The following ALDH1A2 variants were observed in gnomAD, a reference collection of about 807,000 sequenced individuals.
ALDH1A2 encodes the protein aldehyde dehydrogenase 1 family member A2, also known as retinal dehydrogenase 2.
A neutral mutation model predicts 60.3 loss-of-function variants in ALDH1A2; 27 were observed. The ratio of observed to expected loss-of-function variants is 0.45; its 90% CI spans 0.33 to 0.62. The LOEUF (loss-of-function observed/expected upper bound fraction) is 0.62, where lower values mean the gene tolerates loss of function less well. Ranked by LOEUF, ALDH1A2 falls within the 20% of genes least tolerant of loss-of-function variation. The pLI is 0.02. For synonymous variants in ALDH1A2, 289 were observed against 232.4 expected (o/e 1.24, Z -2.21); for missense variants, 581 against 643.8 (o/e 0.90, Z 1.06).
chr15:58,019,808 C>CT (rs1355114708), intron 1 of ALDH1A2, among the ~76,000 whole-genome samples: 1 of 152,096 alleles, frequency 6.6e-6, no homozygotes, highest in South Asian at 2.1e-4. Context: ...GAATCACTTT[C>CT]TTTTTTATTA....
rs1163614322 is a variant in ALDH1A2, at chr15:58,011,619, A to G, written c.364-841T>C. On this transcript the variant is annotated intron_variant, in intron 3 of 12. Coordinates refer to ENST00000249750, the MANE Select transcript of ALDH1A2 (RefSeq NM_003888.4). ...GTATTTTATAAGACATACTGGTGTG[A>G]AAATTATTTGATCTCTGACAAAGCT... Among the ~76,000 whole-genome samples, 3 of 152,314 alleles carry G rather than the reference A, an allele frequency of 2.0e-5. No homozygotes were observed. The East Asian group carries it at 5.8e-4, about 29-fold the overall frequency.
At chr15:58,056,432 G>A (rs887117595) in intron 1 of ALDH1A2, among the ~76,000 whole-genome samples, 2 of 151,986 alleles carry the variant, frequency 1.3e-5, no homozygotes, top group Admixed American at 1.3e-4. Context: ...CATAAGCAAT[G>A]ACCAATTCTA....
intron 7 of ALDH1A2, among the ~76,000 whole-genome samples, chr15:57,986,064 C>G (rs571561019): frequency 6.6e-6 from 1 of 152,120 alleles, no homozygotes; most frequent in Non-Finnish European, 1.5e-5. Flanking sequence ...CAAACAATAT[C>G]AAAATTAATC....
At chr15:58,002,620 A>G (rs1895311918) in intron 4 of ALDH1A2, among the ~76,000 whole-genome samples, 1 of 151,978 alleles carries the variant, frequency 6.6e-6, no homozygotes, top group Non-Finnish European at 1.5e-5. Context: ...TTTGTCAAAT[A>G]TGGAAGTCAA....
At chr15:57,986,062 A>G (rs894295920) in intron 7 of ALDH1A2, among the ~76,000 whole-genome samples, 1 of 152,216 alleles carries the variant, frequency 6.6e-6, no homozygotes, top group East Asian at 1.9e-4. Context: ...ATCAAACAAT[A>G]TCAAAATTAA....
rs116770603 is a variant in ALDH1A2 at position 58,051,774 on chromosome 15, A to G, written c.117+13760T>C. On this transcript the variant is annotated intron_variant, in intron 1 of 12. Coordinates refer to ENST00000249750, the MANE Select transcript of ALDH1A2 (RefSeq NM_003888.4). ...TGATGTGAAGAACTCCAGATCTCTT[A>G]GGTCAGAGACAAATAGCAGTGGCAC... is the stretch of plus-strand genomic sequence containing the variant. Among the ~76,000 whole-genome samples the G allele has an allele frequency of 2.4e-3, 358 of 152,256 alleles. 1 individual carries two copies. The highest frequency in any genetic ancestry group is 8.3e-3 in the African/African-American group (345 of 41,560).
At chr15:58,052,866 A>C (rs1896809748) in intron 1 of ALDH1A2, among the ~76,000 whole-genome samples, 2 of 152,168 alleles carry the variant, frequency 1.3e-5, no homozygotes, top group African/African-American at 2.4e-5. Flanking sequence ...AGAGTTTTCC[A>C]AAGTGGATGT....
chr15:57,976,454 CCCCT>C (rs1343718090), intron 7 of ALDH1A2, among the ~76,000 whole-genome samples: 1 of 152,118 alleles, frequency 6.6e-6, no homozygotes, highest in East Asian at 1.9e-4. Context: ...GTGTGATGTT[CCCCT>C]CCCTGTGTCC....
chr15:58,055,518 C>T (rs1896873563), intron 1 of ALDH1A2, among the ~76,000 whole-genome samples: 6 of 151,856 alleles, frequency 4.0e-5, no homozygotes, highest in Admixed American at 3.9e-4. Flanking sequence ...AATTGTACCA[C>T]TGAGAAGTGC....
chr15:58,003,532 C>T (rs1220809443), intron 4 of ALDH1A2, among the ~76,000 whole-genome samples: 1 of 151,818 alleles, frequency 6.6e-6, no homozygotes, highest in African/African-American at 2.4e-5. Context: ...TATCGTAAGT[C>T]CATTTTAATA....
At chr15:58,051,452 C>G (rs1351077522) in intron 1 of ALDH1A2, among the ~76,000 whole-genome samples, 3 of 152,010 alleles carry the variant, frequency 2.0e-5, no homozygotes, top group African/African-American at 7.2e-5. Flanking sequence ...GTCAAGATCC[C>G]TATTTGCCAT....
intron 7 of ALDH1A2, among the ~76,000 whole-genome samples, chr15:57,981,289 A>AAC (rs775138747): frequency 0.2 from 27,854 of 141,918 alleles, 2,752 homozygotes; most frequent in Non-Finnish European, 0.24. Context: ...TAGAAGAGCA[A>AAC]ACACACACAC....
At chr15:58,020,699 T>C (rs1184153394) in intron 1 of ALDH1A2, among the ~76,000 whole-genome samples, 1 of 152,184 alleles carries the variant, frequency 6.6e-6, no homozygotes, top group Non-Finnish European at 1.5e-5. Context: ...TATTCTTAGA[T>C]ATTTTCTTTC....
intron 12 of ALDH1A2, 145 bp from the exon 13 acceptor site, chr15:57,955,414 A>G: frequency 2.5e-6 from 2 of 788,748 alleles, no homozygotes; most frequent in Non-Finnish European, 4.4e-6. Context: ...ACGTATGCGC[A>G]GCCCAGCCTT....
rs564222236 is a variant in ALDH1A2 at position 58,017,959 on chromosome 15, T to C, written c.118-3678A>G. 2.6e-5 allele frequency among the ~76,000 whole-genome samples: 4 copies of C among 152,310 alleles called. No homozygotes were observed. The South Asian group carries it at 8.3e-4, about 32-fold the overall frequency. ...ATAAAATGACACTTAAAAAATTATATGGACAACTTTGTTGGTACATGGAAT... is the reference window on the plus strand; with the variant it reads ...ATAAAATGACACTTAAAAAATTATACGGACAACTTTGTTGGTACATGGAAT... On this transcript the variant is annotated intron_variant, in intron 1 of 12. Coordinates refer to ENST00000249750, the MANE Select transcript of ALDH1A2 (RefSeq NM_003888.4).
At chr15:58,028,843 G>C (rs565166221) in intron 1 of ALDH1A2, among the ~76,000 whole-genome samples, 2 of 152,150 alleles carry the variant, frequency 1.3e-5, no homozygotes, top group Non-Finnish European at 2.9e-5. Context: ...TCAACAAGAA[G>C]AGCTAACTAT....
At chr15:57,957,510 T>A (rs1164103346) in intron 12 of ALDH1A2, among the ~76,000 whole-genome samples, 1 of 152,214 alleles carries the variant, frequency 6.6e-6, no homozygotes, top group African/African-American at 2.4e-5. Context: ...ATTTATTTAC[T>A]CCAGCTAAAT....
intron 8 of ALDH1A2, 56 bp downstream of exon 8, chr15:57,965,669 A>G (rs1566930502): frequency 2.4e-6 from 3 of 1,272,976 alleles, no homozygotes; most frequent in African/African-American, 2.9e-5. Flanking sequence ...GGAGATATAA[A>G]AGAGAGCACC....
At chr15:58,014,419 C>A (rs755690339) in intron 1 of ALDH1A2, 138 bp from the exon 2 acceptor site, 6 of 772,990 alleles carry the variant, frequency 7.8e-6, no homozygotes, top group South Asian at 5.8e-5. Context: ...TTTAAGAGAC[C>A]CTTCTAGACT....
Sources: gnomAD v4.1 joint callset for allele counts (sites outside exome capture counted in the v4.1 genomes callset) on GRCh38, gnomAD v4.1.1 for gene constraint, MANE v1.5 for transcripts, NCBI Gene and HGNC (gene_info 2026-07-23, HGNC 2026-07-21) for gene names.